RALGPS1: variants seen among roughly 807,000 people sequenced by gnomAD.
RALGPS1 encodes ras-specific guanine nucleotide-releasing factor RalGPS1.
Under a neutral mutation model 78.8 loss-of-function variants are expected in RALGPS1, and 19 were observed. The ratio of observed to expected loss-of-function variants is 0.24; its 90% CI spans 0.17 to 0.35. RALGPS1 has a LOEUF of 0.35. RALGPS1 is among the 10% of genes least tolerant of loss of function. The pLI is 1.00. For synonymous variants in RALGPS1, 228 were observed against 256.3 expected (o/e 0.89, Z 1.06); for missense variants, 454 against 688.3 (o/e 0.66, Z 3.81).
intron 1 of RALGPS1, among the ~76,000 whole-genome samples, chr9:126,942,075 C>G (rs76464115): frequency 0.014 from 2,083 of 152,282 alleles, 57 homozygotes; most frequent in African/African-American, 0.047. Context: ...GAGAACAAAC[C>G]CCCTGTTCAG....
In RALGPS1 at chr9:127,219,832, A is replaced by C. The variant is rs560614398; in HGVS notation, c.*1063A>C. ...GGGCCCACCAAGATTCCTGATCATG[A>C]CGGGAAGCTGAGTGACCCTGAGGCC... On this transcript the variant is annotated 3_prime_UTR_variant, in exon 19 of 19. Transcript: ENST00000259351. The surrounding 1 kb of genome is among the most constrained non-coding windows in gnomAD (Gnocchi z 5.0). 13 of 152,656 alleles carry C rather than the reference A, an allele frequency of 8.5e-5. No individual in the cohort carries two copies. Among genetic ancestry groups the C allele is most frequent in the Non-Finnish European group, 1.8e-4 (12 of 68,050 alleles). The allele number at this position is 152,656 out of a possible 1,614,324, so 9.5% of individuals were successfully genotyped here.
chr9:127,148,560 T>G (rs2058235652), intron 8 of RALGPS1, among the ~76,000 whole-genome samples: 1 of 152,212 alleles, frequency 6.6e-6, no homozygotes, highest in African/African-American at 2.4e-5. Context: ...TGACCTCACT[T>G]AATGCTCAGC....
At chr9:127,192,742 G>A (rs1489171054) in intron 11 of RALGPS1, among the ~76,000 whole-genome samples, 2 of 152,232 alleles carry the variant, frequency 1.3e-5, no homozygotes, top group African/African-American at 4.8e-5. Context: ...GAGCCAAAGA[G>A]GGAGTCCTGT....
intron 14 of RALGPS1, among the ~76,000 whole-genome samples, chr9:127,209,761 A>G (rs372865971): frequency 1.8e-4 from 28 of 152,274 alleles, no homozygotes; most frequent in African/African-American, 6.7e-4. Flanking sequence ...GGCAGGTACG[A>G]TGTACCTGCT....
At chr9:127,154,805 G>T (rs1451591931) in intron 8 of RALGPS1, among the ~76,000 whole-genome samples, 1 of 152,170 alleles carries the variant, frequency 6.6e-6, no homozygotes, top group Non-Finnish European at 1.5e-5. Flanking sequence ...CGACTGAAGC[G>T]GCTGTCTGTG....
At chr9:126,940,709 T>C (rs2036700430) in intron 1 of RALGPS1, among the ~76,000 whole-genome samples, 1 of 152,166 alleles carries the variant, frequency 6.6e-6, no homozygotes, top group Non-Finnish European at 1.5e-5. Context: ...TCTTATGCTG[T>C]TGTGTACAAA....
intron 10 of RALGPS1, among the ~76,000 whole-genome samples, chr9:127,170,619 T>G (rs541080294): frequency 6.6e-6 from 1 of 152,354 alleles, no homozygotes; most frequent in African/African-American, 2.4e-5. Flanking sequence ...GATAATATTT[T>G]CCATTTATGC....
At chr9:127,041,857 G>A (rs774196605) in intron 5 of RALGPS1, among the ~76,000 whole-genome samples, 4 of 152,128 alleles carry the variant, frequency 2.6e-5, no homozygotes, top group Admixed American at 6.5e-5. Flanking sequence ...GGATGGAAAC[G>A]GGGAGGCAGT....
At chr9:127,095,305 G>A (rs770181414) in intron 8 of RALGPS1, among the ~76,000 whole-genome samples, 1 of 152,184 alleles carries the variant, frequency 6.6e-6, no homozygotes, top group Non-Finnish European at 1.5e-5. Context: ...GGGTGAGGCA[G>A]GAGAATCCCT....
chr9:127,080,120 T>C (rs1466260364), intron 8 of RALGPS1, among the ~76,000 whole-genome samples: 2 of 152,092 alleles, frequency 1.3e-5, no homozygotes, highest in African/African-American at 4.8e-5. Flanking sequence ...TTCTTGCAGT[T>C]CTATGAGAAA....
chr9:127,174,638 A>G, intron 10 of RALGPS1, 77 bp from the exon 11 acceptor site: 1 of 1,298,862 alleles, frequency 7.7e-7, no homozygotes, highest in African/African-American at 1.5e-5. Flanking sequence ...TGACTATAGT[A>G]GCTTTTCCCA....
At chr9:127,180,794 C>T (rs899573034) in intron 11 of RALGPS1, among the ~76,000 whole-genome samples, 3 of 152,224 alleles carry the variant, frequency 2.0e-5, no homozygotes, top group Non-Finnish European at 2.9e-5. Flanking sequence ...TAGACTCTGT[C>T]GGTCAGGAAG....
intron 4 of RALGPS1, among the ~76,000 whole-genome samples, chr9:127,011,609 A>G (rs1455349258): frequency 6.6e-6 from 1 of 152,208 alleles, no homozygotes; most frequent in Non-Finnish European, 1.5e-5. Context: ...TGGTACTTTA[A>G]TAGCCATGTT....
At chr9:127,200,095 TATGC>T (rs1564781482) in intron 14 of RALGPS1, among the ~76,000 whole-genome samples, 2 of 152,138 alleles carry the variant, frequency 1.3e-5, no homozygotes, top group African/African-American at 2.4e-5. Context: ...CACACGTACA[TATGC>T]ATGCATGCAT....
chr9:127,047,890 GAAAAT>G (rs150675990), intron 5 of RALGPS1, among the ~76,000 whole-genome samples: 1,889 of 152,126 alleles, frequency 0.012, 42 homozygotes, highest in African/African-American at 0.044. Context: ...AGTTAGAAAA[GAAAAT>G]AAAATAAAAA....
At position 127,212,128 on chromosome 9, in the gene RALGPS1, C is replaced by T. The variant is rs780991884; in HGVS notation, c.1248-3C>T. Reference sequence around the variant, plus strand: ...CGATGTCTGACTGGTAGTCTCTCCTCAGCCCCACCGGCCCGTGCATCTGTT... The same window carrying T: ...CGATGTCTGACTGGTAGTCTCTCCTTAGCCCCACCGGCCCGTGCATCTGTT... On this transcript the variant is annotated splice_region_variant and splice_polypyrimidine_tract_variant and intron_variant, in intron 14 of 18. Coordinates refer to ENST00000259351, the MANE Select transcript of RALGPS1 (RefSeq NM_014636.3). The surrounding 1 kb of genome is among the most constrained non-coding windows in gnomAD (Gnocchi z 6.0). 1.9e-5 allele frequency: 31 copies of T among 1,610,000 alleles called. No individual in the cohort carries two copies. The highest frequency in any genetic ancestry group is 3.4e-5 in the Admixed American group (2 of 59,306).
chr9:127,222,704 C>T lies in RALGPS1; in HGVS notation c.*3935C>T, dbSNP rs544400474. 3 of 152,692 alleles carry T rather than the reference C, an allele frequency of 2.0e-5. No individual in the cohort carries two copies. The highest frequency in any genetic ancestry group is 1.9e-4 in the East Asian group (1 of 5,186). The allele number at this position is 152,692 out of a possible 1,614,324, so 9.5% of individuals were successfully genotyped here. A position where few individuals can be genotyped will look rare whatever the true frequency, so the allele number is the denominator to read the frequency against. On this transcript the variant is annotated 3_prime_UTR_variant, in exon 19 of 19. Transcript: ENST00000259351. ...CTGAACGACTGTGACTATTCAGTAA[C>T]GAAGTAATAGTAATTAATTAGTATG...
At chr9:127,040,728 A>G (rs1652281744) in intron 5 of RALGPS1, among the ~76,000 whole-genome samples, 1 of 152,134 alleles carries the variant, frequency 6.6e-6, no homozygotes. Flanking sequence ...TGCCCAAGGA[A>G]GAAGGCAGGA....
At chr9:127,107,823 G>T in intron 8 of RALGPS1, 2 of 1,340,460 alleles carry the variant, frequency 1.5e-6, no homozygotes, top group Non-Finnish European at 2.0e-6. Flanking sequence ...GCTTCAACTG[G>T]CCATGGCTTT....
Sources: allele counts gnomAD v4.1 joint callset (sites outside exome capture counted in the v4.1 genomes callset), GRCh38; gene constraint gnomAD v4.1.1; non-coding constraint Gnocchi (gnomAD v3.1); transcripts MANE v1.5; gene names NCBI Gene and HGNC (gene_info 2026-07-23, HGNC 2026-07-21).